Variants in IQCJ observed in about 807,000 individuals in gnomAD.
The protein encoded by IQCJ is IQ motif containing J, also known as IQ domain-containing protein J.
A neutral mutation model predicts 11.0 loss-of-function variants in IQCJ; 9 were observed. The ratio of observed to expected loss-of-function variants is 0.82; its 90% CI spans 0.49 to 1.43. The LOEUF is 1.43. Ranked by LOEUF, IQCJ falls within the 40% of genes most tolerant of loss-of-function variation. The pLI is 0.00. For missense variants in IQCJ, 146 were observed against 133.2 expected, an observed-to-expected ratio of 1.10 and a Z score of -0.47; for synonymous variants, 55 against 51.3, an observed-to-expected ratio of 1.07 and a Z score of -0.31.
chr3:159,211,956 G>A (rs1312462433), intron 1 of IQCJ, among the ~76,000 whole-genome samples: 1 of 151,890 alleles, frequency 6.6e-6, no homozygotes, highest in African/African-American at 2.4e-5. Flanking sequence ...GTGGGTGAGA[G>A]CAGCTGAGTT....
intron 3 of IQCJ, among the ~76,000 whole-genome samples, chr3:159,253,395 C>T (rs369370832): frequency 6.6e-6 from 1 of 152,054 alleles, no homozygotes; most frequent in African/African-American, 2.4e-5. Context: ...TAACAAGATC[C>T]AAATTGAGAA....
At chr3:159,116,024 C>A (rs970349891) in intron 1 of IQCJ, among the ~76,000 whole-genome samples, 1 of 152,104 alleles carries the variant, frequency 6.6e-6, no homozygotes, top group African/African-American at 2.4e-5. Flanking sequence ...AACTATGTAA[C>A]AAACCTGCAT....
chr3:159,170,377 G>A (rs528979383), intron 1 of IQCJ, among the ~76,000 whole-genome samples: 1 of 152,240 alleles, frequency 6.6e-6, no homozygotes, highest in South Asian at 2.1e-4. Flanking sequence ...CCCCCCAACT[G>A]CTTCTCCTCC....
At chr3:159,207,565 G>A (rs935733317) in intron 1 of IQCJ, among the ~76,000 whole-genome samples, 1 of 152,136 alleles carries the variant, frequency 6.6e-6, no homozygotes, top group Non-Finnish European at 1.5e-5. Context: ...TGCCTTGATG[G>A]GTTTCAAAAC....
At chr3:159,117,814 A>T (rs533357692) in intron 1 of IQCJ, among the ~76,000 whole-genome samples, 2 of 152,290 alleles carry the variant, frequency 1.3e-5, no homozygotes, top group Admixed American at 1.3e-4. Flanking sequence ...ACACAATAAT[A>T]TTACCAGCTT....
At chr3:159,176,213 A>G (rs894035401) in intron 1 of IQCJ, among the ~76,000 whole-genome samples, 1 of 150,754 alleles carries the variant, frequency 6.6e-6, no homozygotes, top group South Asian at 2.1e-4. Flanking sequence ...TTTTACAAAT[A>G]TCTTCTCCCA....
At chr3:159,193,066 G>T (rs1723782396) in intron 1 of IQCJ, among the ~76,000 whole-genome samples, 1 of 152,072 alleles carries the variant, frequency 6.6e-6, no homozygotes, top group Admixed American at 6.6e-5. Context: ...CATCTCTAAG[G>T]GGTCTTAAAC....
At chr3:159,116,185 G>A (rs1291296051) in intron 1 of IQCJ, among the ~76,000 whole-genome samples, 1 of 152,112 alleles carries the variant, frequency 6.6e-6, no homozygotes, top group Non-Finnish European at 1.5e-5. Context: ...AGTAAGCCAT[G>A]TTAGTGCCAC....
intron 1 of IQCJ, among the ~76,000 whole-genome samples, chr3:159,238,883 G>A (rs906506581): frequency 6.6e-6 from 1 of 152,122 alleles, no homozygotes; most frequent in African/African-American, 2.4e-5. Context: ...GAGGCAGGCT[G>A]GGCTTTGTCA....
chr3:159,088,093 T>C (rs1191969964), intron 1 of IQCJ, among the ~76,000 whole-genome samples: 94 of 152,296 alleles, frequency 6.2e-4, no homozygotes, highest in African/African-American at 2.1e-3. Flanking sequence ...GCTTTGAATA[T>C]GTCCCAGAGA....
intron 1 of IQCJ, 87 bp from the exon 2 acceptor site, chr3:159,245,756 A>G: frequency 8.7e-7 from 1 of 1,149,200 alleles, no homozygotes; most frequent in South Asian, 1.4e-5. Context: ...GTTGTGTTGT[A>G]TCAATTTTGC....
intron 1 of IQCJ, among the ~76,000 whole-genome samples, chr3:159,170,916 A>T (rs145679001): frequency 6.1e-4 from 93 of 152,300 alleles, no homozygotes; most frequent in African/African-American, 2.2e-3. Context: ...TTAAGGAGCA[A>T]TATTTTCTTT....
At chr3:159,182,621 G>A (rs537582587) in intron 1 of IQCJ, among the ~76,000 whole-genome samples, 3 of 151,998 alleles carry the variant, frequency 2.0e-5, no homozygotes, top group East Asian at 1.9e-4. Context: ...TGAGAGGGTC[G>A]TGATCGATTG....
Position 159,101,239 on chromosome 3 carries a change from C to T in IQCJ, c.9+31798C>T, listed in dbSNP as rs921709666. Among the ~76,000 whole-genome samples, 8 of 148,922 alleles carry T rather than the reference C, an allele frequency of 5.4e-5. No individual in the cohort carries two copies. The East Asian group carries it at 6.1e-4, about 11-fold the overall frequency. ...GCCCTGCTTCGGCTCGCGCACGGTGCGCACACACACTGGCCTGCGCCCACT... is the reference window on the plus strand; with the variant it reads ...GCCCTGCTTCGGCTCGCGCACGGTGTGCACACACACTGGCCTGCGCCCACT... On this transcript the variant is annotated intron_variant, in intron 1 of 3. Coordinates refer to ENST00000397832, the MANE Select transcript of IQCJ (RefSeq NM_001042706.3).
At chr3:159,089,239 A>C (rs563710451) in intron 1 of IQCJ, among the ~76,000 whole-genome samples, 2 of 152,136 alleles carry the variant, frequency 1.3e-5, no homozygotes, top group African/African-American at 4.8e-5. Flanking sequence ...AGAATGTTGA[A>C]TATTGGCCCC....
intron 1 of IQCJ, among the ~76,000 whole-genome samples, chr3:159,136,467 C>T (rs1310050084): frequency 6.6e-6 from 1 of 152,158 alleles, no homozygotes; most frequent in Non-Finnish European, 1.5e-5. Context: ...TGTATTATAT[C>T]TAAGGCAAAA....
rs901888212 is a variant in IQCJ, at chr3:159,137,499, A to T, written c.9+68058A>T. On this transcript the variant is annotated intron_variant, in intron 1 of 3. Coordinates refer to ENST00000397832, the MANE Select transcript of IQCJ (RefSeq NM_001042706.3). The stretch of plus-strand genomic sequence containing the variant: ...TTAAACTCTTCCCTTGAATTTTCAG[A>T]TTTTTGTCAGATTCATCATAAGACA... Among the ~76,000 whole-genome samples the T allele has an allele frequency of 8.5e-5, 13 of 152,284 alleles. 1 individual carries two copies. The highest frequency in any genetic ancestry group is 2.2e-4 in the African/African-American group (9 of 41,558).
intron 1 of IQCJ, among the ~76,000 whole-genome samples, chr3:159,147,731 C>T (rs1483865590): frequency 1.3e-5 from 2 of 152,124 alleles, no homozygotes; most frequent in Non-Finnish European, 2.9e-5. Flanking sequence ...TCCAGGATAA[C>T]AAATATATGA....
chr3:159,146,861 T>C (rs1334878414), intron 1 of IQCJ, among the ~76,000 whole-genome samples: 1 of 152,264 alleles, frequency 6.6e-6, no homozygotes, highest in Non-Finnish European at 1.5e-5. Flanking sequence ...CAAGATTAAA[T>C]AGTCAAGGGC....
Sources: allele counts gnomAD v4.1 joint callset (sites outside exome capture counted in the v4.1 genomes callset), GRCh38; gene constraint gnomAD v4.1.1; transcripts MANE v1.5; gene names NCBI Gene and HGNC (gene_info 2026-07-23, HGNC 2026-07-21).